Variants in PAK5 observed in about 807,000 individuals in gnomAD.
PAK5 encodes p21 (RAC1) activated kinase 5.
Under a neutral mutation model 65.9 loss-of-function variants are expected in PAK5, and 16 were observed. The ratio of observed to expected loss-of-function variants is 0.24; its 90% CI spans 0.16 to 0.37. The LOEUF (loss-of-function observed/expected upper bound fraction) is 0.37. PAK5 is among the 10% of genes least tolerant of loss of function. PAK5 has a pLI of 1.00. For missense variants in PAK5, 785 were observed against 903.9 expected (o/e 0.87, Z 1.69); for synonymous variants, 371 against 354.9 (o/e 1.05, Z -0.51).
intron 3 of PAK5, among the ~76,000 whole-genome samples, chr20:9,582,493 T>A (rs922584724): frequency 6.6e-6 from 1 of 152,166 alleles, no homozygotes; most frequent in Non-Finnish European, 1.5e-5. Flanking sequence ...AGGGTACATA[T>A]CGTCGACACG....
intron 1 of PAK5, among the ~76,000 whole-genome samples, chr20:9,758,030 T>A (rs1302235557): frequency 6.6e-6 from 1 of 152,158 alleles, no homozygotes; most frequent in Non-Finnish European, 1.5e-5. Context: ...GCAGAAGGAG[T>A]TTGCTTCAGA....
chr20:9,802,862 G>C (rs887777129), intron 1 of PAK5, among the ~76,000 whole-genome samples: 3 of 128,838 alleles, frequency 2.3e-5, no homozygotes, highest in African/African-American at 8.7e-5. Flanking sequence ...ACTAGAAACG[G>C]GGTTTAATTT....
At chr20:9,827,179 T>A (rs910182729) in intron 1 of PAK5, among the ~76,000 whole-genome samples, 1 of 152,238 alleles carries the variant, frequency 6.6e-6, no homozygotes, top group Non-Finnish European at 1.5e-5. Context: ...ATGGATGAGA[T>A]AACTTTTAGA....
chr20:9,598,021 A>G (rs2046300608), intron 3 of PAK5, among the ~76,000 whole-genome samples: 1 of 152,216 alleles, frequency 6.6e-6, no homozygotes, highest in South Asian at 2.1e-4. Context: ...ATAGGTAAAC[A>G]TGTGCCATGG....
intron 1 of PAK5, among the ~76,000 whole-genome samples, chr20:9,728,226 A>G (rs753225270): frequency 3.3e-5 from 5 of 152,008 alleles, no homozygotes; most frequent in Non-Finnish European, 7.4e-5. Context: ...TCGATGAGGA[A>G]GGATCCTCCA....
chr20:9,734,120 TAACTC>T (rs2048363204), intron 1 of PAK5, among the ~76,000 whole-genome samples: 1 of 152,200 alleles, frequency 6.6e-6, no homozygotes, highest in Non-Finnish European at 1.5e-5. Flanking sequence ...TTTATCCTGT[TAACTC>T]TACTGTGGGC....
intron 3 of PAK5, among the ~76,000 whole-genome samples, chr20:9,598,983 T>A (rs79936553): frequency 0.056 from 8,477 of 152,254 alleles, 364 homozygotes; most frequent in African/African-American, 0.12. Flanking sequence ...GAACTTTTTT[T>A]AAATCATCTC....
At position 9,816,187 on chromosome 20, in the gene PAK5, C is replaced by T. The variant is rs6141047; in HGVS notation, c.-162+22575G>A. ...CTCTGAAATATGTGATTATAGGGAG[C>T]ATATATTCTGGGCAACTTGAATCTG... is the stretch of plus-strand genomic sequence containing the variant. On this transcript the variant is annotated intron_variant, in intron 1 of 9. Coordinates refer to ENST00000353224, the MANE Select transcript of PAK5 (RefSeq NM_177990.4). Among the ~76,000 whole-genome samples, 3 of 152,052 alleles carry T rather than the reference C, an allele frequency of 2.0e-5. No homozygotes were observed. In the East Asian group the frequency reaches 5.8e-4, roughly 29 times the overall value.
chr20:9,662,843 G>A (rs554212256), intron 2 of PAK5, among the ~76,000 whole-genome samples: 27 of 152,204 alleles, frequency 1.8e-4, no homozygotes, highest in African/African-American at 6.3e-4. Context: ...AGAGAAAAAA[G>A]CTAAGTATCA....
intron 2 of PAK5, among the ~76,000 whole-genome samples, chr20:9,663,743 G>A (rs1260880131): frequency 6.6e-6 from 1 of 152,154 alleles, no homozygotes; most frequent in African/African-American, 2.4e-5. Flanking sequence ...TTACCATTGA[G>A]AGGGTCAGTT....
chr20:9,554,599 A>C (rs544469701), intron 7 of PAK5, among the ~76,000 whole-genome samples: 3 of 152,348 alleles, frequency 2.0e-5, no homozygotes, highest in South Asian at 2.1e-4. Context: ...GCTTCGTTAT[A>C]ACAGCAATAG....
chr20:9,590,691 G>A (rs995868287), intron 3 of PAK5, among the ~76,000 whole-genome samples: 12 of 152,026 alleles, frequency 7.9e-5, no homozygotes, highest in African/African-American at 2.9e-4. Flanking sequence ...GAGTCATATG[G>A]CACCACAGGC....
rs1452987384 is a variant in PAK5 at position 9,539,079 on chromosome 20, CCTTT to C, written c.*379_*382del. ...TTAAGAAAAAAGTGCTTTTTGTTTT[CCTTT>C]CTTTCTTTTTTTTTTTTTTTTGCCA... On this transcript the variant is annotated 3_prime_UTR_variant, in exon 10 of 10. Transcript: ENST00000353224. The C allele has an allele frequency of 3.6e-4, 82 of 229,910 alleles. No individual in the cohort carries two copies. In the Middle Eastern group the frequency reaches 7.6e-3, roughly 21 times the overall value. The allele number at this position is 229,910 out of a possible 1,614,324, so 14.2% of individuals were successfully genotyped here.
At chr20:9,683,051 C>G (rs550017905) in intron 2 of PAK5, among the ~76,000 whole-genome samples, 2 of 152,348 alleles carry the variant, frequency 1.3e-5, no homozygotes, top group East Asian at 3.9e-4. Context: ...TGGGCTGATA[C>G]TCTTCCCTTT....
intron 2 of PAK5, among the ~76,000 whole-genome samples, chr20:9,679,303 G>A (rs994597466): frequency 6.6e-6 from 1 of 152,266 alleles, no homozygotes; most frequent in Non-Finnish European, 1.5e-5. Flanking sequence ...GTAGGCCATA[G>A]GTAGTTTAAG....
chr20:9,836,707 T>C (rs192721338), intron 1 of PAK5, among the ~76,000 whole-genome samples: 201 of 152,328 alleles, frequency 1.3e-3, no homozygotes, highest in Admixed American at 2.6e-3. Flanking sequence ...GGAATTAACA[T>C]GTTTGAGCCT....
intron 1 of PAK5, among the ~76,000 whole-genome samples, chr20:9,806,277 C>T (rs2049232353): frequency 1.3e-5 from 2 of 152,202 alleles, no homozygotes; most frequent in Non-Finnish European, 2.9e-5. Context: ...GCATGAGCCA[C>T]TGTACCCAGC....
intron 1 of PAK5, among the ~76,000 whole-genome samples, chr20:9,757,185 T>C (rs2048644536): frequency 6.6e-6 from 1 of 152,068 alleles, no homozygotes; most frequent in Admixed American, 6.6e-5. Context: ...TTAGAATCCT[T>C]TCTCAGGGTC....
chr20:9,612,956 T>A (rs1421154439), intron 3 of PAK5, among the ~76,000 whole-genome samples: 1 of 152,030 alleles, frequency 6.6e-6, no homozygotes, highest in Non-Finnish European at 1.5e-5. Context: ...TATTATTCAA[T>A]CCCTATTACC....
Sources: gnomAD v4.1 joint callset for allele counts (sites outside exome capture counted in the v4.1 genomes callset) on GRCh38, gnomAD v4.1.1 for gene constraint, MANE v1.5 for transcripts, NCBI Gene and HGNC (gene_info 2026-07-23, HGNC 2026-07-21) for gene names.